DDO: variants seen among roughly 807,000 people sequenced by gnomAD.
DDO encodes the protein D-aspartate oxidase, also known as D-aspartate oxidase, DDO.
DDO carries 16 observed loss-of-function variants against 16.8 expected under a neutral mutation model. That is an observed-to-expected ratio of 0.95 (90% confidence interval 0.65 to 1.45). The LOEUF is 1.45. Ranked by LOEUF, DDO falls within the 40% of genes most tolerant of loss-of-function variation. The pLI, the probability that DDO is intolerant of heterozygous loss-of-function variation, is 0.00. For missense variants in DDO, 429 were observed against 420.3 expected (o/e 1.02, Z -0.18); for synonymous variants, 180 against 167.2 (o/e 1.08, Z -0.59).
At chr6:110,398,020 G>A (rs1379869306) in intron 4 of DDO, among the ~76,000 whole-genome samples, 4 of 152,248 alleles carry the variant, frequency 2.6e-5, no homozygotes, top group South Asian at 4.2e-4. Context: ...CATGGTTGGA[G>A]GTACAAGAAG....
intron 2 of DDO, among the ~76,000 whole-genome samples, chr6:110,412,499 T>C (rs1215479878): frequency 4.6e-5 from 7 of 152,202 alleles, no homozygotes; most frequent in African/African-American, 1.7e-4. Flanking sequence ...CCGGGAACTA[T>C]AGAATCACAC....
intron 4 of DDO, among the ~76,000 whole-genome samples, chr6:110,398,412 ACACACACAC>A (rs1773360566): frequency 4.7e-5 from 7 of 149,690 alleles, no homozygotes; most frequent in Admixed American, 1.3e-4. Context: ...ACACACACAC[ACACACACAC>A]ACACACTTGG....
intron 1 of DDO, among the ~76,000 whole-genome samples, chr6:110,414,493 G>A (rs1773976077): frequency 6.6e-6 from 1 of 152,366 alleles, no homozygotes; most frequent in East Asian, 1.9e-4. Context: ...AAATGCAGGG[G>A]ACAGACATCC....
At chr6:110,400,053 C>A (rs547176257) in intron 4 of DDO, among the ~76,000 whole-genome samples, 5 of 152,198 alleles carry the variant, frequency 3.3e-5, no homozygotes, top group African/African-American at 7.2e-5. Flanking sequence ...AGCCCCAAGC[C>A]CCCTGGCTGG....
chr6:110,392,455 G>T lies in DDO; in HGVS notation c.*320C>A, dbSNP rs1773127855. 1 of 1,061,604 alleles carries T rather than the reference G, an allele frequency of 9.4e-7. No homozygotes were observed. The highest frequency in any genetic ancestry group is 1.1e-6 in the Non-Finnish European group (1 of 880,968). The allele number at this position is 1,061,604 out of a possible 1,614,324, so 65.8% of individuals were successfully genotyped here. ...GAGCTTTATGCCCTATGCCATTAAT[G>T]CTGGACTTCCTAAGTAAGCCTACAT... On this transcript the variant is annotated 3_prime_UTR_variant, in exon 5 of 5. Coordinates refer to ENST00000368924, the MANE Select transcript of DDO (RefSeq NM_001372108.2).
intron 3 of DDO, among the ~76,000 whole-genome samples, chr6:110,406,623 A>G (rs1773665845): frequency 6.6e-6 from 1 of 152,146 alleles, no homozygotes; most frequent in South Asian, 2.1e-4. Flanking sequence ...ATGGCTTCCC[A>G]TTTCTCTGGA....
chr6:110,413,548 C>T, intron 1 of DDO, 82 bp from the exon 2 acceptor site: 1 of 1,456,450 alleles, frequency 6.9e-7, no homozygotes, highest in Non-Finnish European at 9.4e-7. Flanking sequence ...ACAGTTTTTT[C>T]CTTAGGTCTT....
At chr6:110,408,498 G>A in intron 2 of DDO, 56 bp from the exon 3 acceptor site, 1 of 1,504,358 alleles carries the variant, frequency 6.6e-7, no homozygotes, top group Non-Finnish European at 9.1e-7. Context: ...GATAATGACA[G>A]TGCTTCAAAT....
At position 110,404,813 on chromosome 6, in the gene DDO, T is replaced by G. The variant is rs1467684031; in HGVS notation, c.419A>C (p.Lys140Thr). 1 of 1,614,062 alleles carries G rather than the reference T, an allele frequency of 6.2e-7. No homozygotes were observed. The highest frequency in any genetic ancestry group is 8.5e-7 in the Non-Finnish European group (1 of 1,180,040). ...YVFGQAFTTL[K>T]CECPAYLPWL... Reference sequence around the variant, plus strand: ...CGGGAGGTAGGCAGGGCATTCACATTTCAGGGTTGTAAAAGCCTGACCAAA... The same window carrying G: ...CGGGAGGTAGGCAGGGCATTCACATGTCAGGGTTGTAAAAGCCTGACCAAA... Residue 140 changes from lysine (K) to threonine (T), a missense_variant, in exon 4 of 5, where the codon AAA becomes ACA. Physicochemically the swap from Lys to Thr is moderately conservative, Grantham distance 78. Transcript: ENST00000368924.
Position 110,404,829 on chromosome 6 carries a change from C to T in DDO, c.403G>A (p.Ala135Thr), listed in dbSNP as rs1271381792. 2 of 1,614,180 alleles carry T rather than the reference C, an allele frequency of 1.2e-6. No homozygotes were observed. Among genetic ancestry groups the T allele is most frequent in the South Asian group, 1.1e-5 (1 of 91,080 alleles). The part of the protein sequence containing the change: ...KKFPQYVFGQ[A>T]FTTLKCECPA... Reference sequence around the variant, plus strand: ...CATTCACATTTCAGGGTTGTAAAAGCCTGACCAAACACATACTGGGGGAAT... The same window carrying T: ...CATTCACATTTCAGGGTTGTAAAAGTCTGACCAAACACATACTGGGGGAAT... Residue 135 changes from alanine to threonine, a missense_variant, in exon 4 of 5, where the codon GCT becomes ACT. Coordinates refer to ENST00000368924, the MANE Select transcript of DDO (RefSeq NM_001372108.2).
chr6:110,394,337 G>T lies in DDO; in HGVS notation c.459-995C>A, dbSNP rs555822561. On this transcript the variant is annotated intron_variant, in intron 4 of 4. Transcript: ENST00000368924. ...GCCCAGGCTGGTCTGCAACTCATGA[G>T]CTCAGTCGATCCACCTGCCTCTGCC... is the stretch of plus-strand genomic sequence containing the variant. Among the ~76,000 whole-genome samples the T allele has an allele frequency of 4.6e-5, 7 of 152,236 alleles. No homozygotes were observed. The South Asian group carries it at 1.5e-3, about 32-fold the overall frequency.
At chr6:110,400,177 G>A (rs1292881209) in intron 4 of DDO, among the ~76,000 whole-genome samples, 1 of 152,268 alleles carries the variant, frequency 6.6e-6, no homozygotes, top group Non-Finnish European at 1.5e-5. Context: ...AAAACACAGA[G>A]ATGATGGAAC....
At chr6:110,408,943 C>T (rs1443715072) in intron 2 of DDO, among the ~76,000 whole-genome samples, 4 of 152,204 alleles carry the variant, frequency 2.6e-5, no homozygotes, top group Admixed American at 1.3e-4. Flanking sequence ...ACAGACTGCA[C>T]CTCGATGGGG....
chr6:110,400,383 A>C (rs1773446193), intron 4 of DDO, among the ~76,000 whole-genome samples: 1 of 137,104 alleles, frequency 7.3e-6, no homozygotes, highest in Non-Finnish European at 1.6e-5. Context: ...CCGCGTGGGG[A>C]CCTCCAGCCC....
intron 3 of DDO, among the ~76,000 whole-genome samples, chr6:110,405,832 A>T (rs1182235944): frequency 6.6e-6 from 1 of 152,094 alleles, no homozygotes; most frequent in African/African-American, 2.4e-5. Context: ...GAGCCCAGGG[A>T]GGTCGAGGCT....
At chr6:110,408,916 G>A (rs1773754516) in intron 2 of DDO, among the ~76,000 whole-genome samples, 1 of 152,242 alleles carries the variant, frequency 6.6e-6, no homozygotes, top group South Asian at 2.1e-4. Context: ...TGGGGCCCAG[G>A]CCAACCGGGA....
chr6:110,405,208 T>A (rs1267330160), intron 3 of DDO, among the ~76,000 whole-genome samples: 3 of 152,086 alleles, frequency 2.0e-5, no homozygotes, highest in Non-Finnish European at 4.4e-5. Context: ...GACTAATTTT[T>A]AAAATTATTT....
intron 4 of DDO, among the ~76,000 whole-genome samples, chr6:110,396,499 C>G (rs1773295989): frequency 6.6e-6 from 1 of 152,112 alleles, no homozygotes; most frequent in Non-Finnish European, 1.5e-5. Context: ...ACAACAGAAC[C>G]TAAATTCGGT....
chr6:110,398,115 T>C (rs1773345438), intron 4 of DDO, among the ~76,000 whole-genome samples: 2 of 152,068 alleles, frequency 1.3e-5, no homozygotes. Flanking sequence ...CAACCTCCCA[T>C]GAGGAAATAG....
Sources: gnomAD v4.1 joint callset for allele counts (sites outside exome capture counted in the v4.1 genomes callset) on GRCh38, gnomAD v4.1.1 for gene constraint, MANE v1.5 for transcripts, NCBI Gene and HGNC (gene_info 2026-07-23, HGNC 2026-07-21) for gene names.